The following CDH23 variants were observed in gnomAD, a reference collection of about 807,000 sequenced individuals.
CDH23 encodes the protein cadherin related 23.
Under a neutral mutation model 317.1 loss-of-function variants are expected in CDH23, and 189 were observed. That is an observed-to-expected ratio of 0.60 (90% CI 0.53 to 0.67). The LOEUF (loss-of-function observed/expected upper bound fraction) is 0.67, where lower values mean the gene tolerates loss of function less well. Ranked by LOEUF, CDH23 falls within the 30% of genes least tolerant of loss-of-function variation. The probability of loss-of-function intolerance (pLI) is 0.00; values close to 1 mark genes in which losing one functional copy is unlikely to be tolerated. For missense variants in CDH23, 4,401 were observed against 4,592.4 expected (o/e 0.96, Z 1.20); for synonymous variants, 1,839 against 1,876.8 (o/e 0.98, Z 0.52).
chr10:71,646,426 G>A (rs2132596554), intron 13 of CDH23, 33 bp from the exon 14 acceptor site: 3 of 1,608,762 alleles, frequency 1.9e-6, no homozygotes, highest in Non-Finnish European at 2.5e-6. Context: ...GGACATGTGG[G>A]AGCTTACCTG....
intron 1 of CDH23, among the ~76,000 whole-genome samples, chr10:71,414,732 T>A (rs1385889256): frequency 6.6e-6 from 1 of 152,238 alleles, no homozygotes; most frequent in East Asian, 1.9e-4. Context: ...AACTGTTCCT[T>A]CTTTTTCTGT....
intron 11 of CDH23, among the ~76,000 whole-genome samples, chr10:71,617,766 C>T (rs980821748): frequency 2.0e-5 from 3 of 151,896 alleles, no homozygotes; most frequent in African/African-American, 4.8e-5. Context: ...TTTGGGAGGC[C>T]GGCAGATCAA....
At position 71,709,109 on chromosome 10, in the gene CDH23, G is replaced by A; in HGVS notation, c.3118G>A (p.Asp1040Asn). The A allele has an allele frequency of 6.2e-7, 1 of 1,613,892 alleles. No homozygotes were observed. Among genetic ancestry groups the A allele is most frequent in the Non-Finnish European group, 8.5e-7 (1 of 1,179,894 alleles). Residue 1040 changes from aspartate to asparagine, a missense_variant, in exon 27 of 70, where the codon GAT (aspartate) becomes AAT (asparagine). By Grantham distance (23) the Asp-to-Asn change is conservative. Around this residue, in one of 3 missense-constraint regions of CDH23, gnomAD observed 3,068 missense variants for 3,203.3 expected, o/e 0.96. Coordinates refer to ENST00000224721, the MANE Select transcript of CDH23 (RefSeq NM_022124.6). ...LSYFITGGNV[D>N]GKFSVGYRDA... ...TCCTTCACCCACAGGTGGCAACGTG[G>A]ATGGGAAGTTCAGCGTGGGTTACCG...
At chr10:71,672,517 A>G (rs1291008337) in intron 14 of CDH23, among the ~76,000 whole-genome samples, 2 of 152,166 alleles carry the variant, frequency 1.3e-5, no homozygotes, top group Middle Eastern at 3.4e-3. Flanking sequence ...CCAGGCATAC[A>G]TATTTCACAT....
rs1841530793 is a variant in CDH23 at position 71,800,620 on chromosome 10, A to G, written c.7363-16A>G. ...TTGAATGATTGAAGGACCTAAAGCC[A>G]CCCTCCCCCTACTAGGGTGACATCT... On this transcript the variant is annotated splice_polypyrimidine_tract_variant and intron_variant, in intron 52 of 69. Transcript: ENST00000224721. The G allele has an allele frequency of 5.0e-6, 8 of 1,612,750 alleles. No homozygotes were observed. Among genetic ancestry groups the G allele is most frequent in the South Asian group, 1.1e-5 (1 of 90,904 alleles).
At chr10:71,630,297 C>G (rs1861941673) in intron 11 of CDH23, among the ~76,000 whole-genome samples, 1 of 152,138 alleles carries the variant, frequency 6.6e-6, no homozygotes, top group Non-Finnish European at 1.5e-5. Flanking sequence ...GCTGGGATTA[C>G]TGGCGTGAGT....
chr10:71,510,989 C>T lies in CDH23; in HGVS notation c.324C>T (p.Ser108=), dbSNP rs373668614. Residue 108 remains serine, a synonymous_variant, in exon 5 of 70, where the codon AGC becomes AGT. Coordinates refer to ENST00000224721, the MANE Select transcript of CDH23 (RefSeq NM_022124.6). ...AGTTCACCGTGGAGTTCTCTGTCAGCGACCACCAGGGGGTGAGTGTTCCCT... is the reference window on the plus strand; with the variant it reads ...AGTTCACCGTGGAGTTCTCTGTCAGTGACCACCAGGGGGTGAGTGTTCCCT... ...KSEFTVEFSV[S]DHQGVITRKV... The T allele has an allele frequency of 4.2e-5, 67 of 1,613,902 alleles. No individual in the cohort carries two copies. The highest frequency in any genetic ancestry group is 1.7e-4 in the Admixed American group (10 of 60,016).
intron 11 of CDH23, among the ~76,000 whole-genome samples, chr10:71,640,676 C>G (rs1862500318): frequency 6.6e-6 from 1 of 152,088 alleles, no homozygotes; most frequent in Non-Finnish European, 1.5e-5. Flanking sequence ...TGGACTGGGA[C>G]TCGGGAGGCA....
At chr10:71,741,565 A>G (rs1839732733) in intron 37 of CDH23, 129 bp from the exon 38 acceptor site, 2 of 712,378 alleles carry the variant, frequency 2.8e-6, no homozygotes, top group Non-Finnish European at 4.8e-6. Context: ...TATCTCCATC[A>G]TTGCTCTGGG....
intron 6 of CDH23, among the ~76,000 whole-genome samples, chr10:71,555,709 G>A (rs1856840506): frequency 6.6e-6 from 1 of 152,194 alleles, no homozygotes; most frequent in Admixed American, 6.5e-5. Flanking sequence ...CAAGGGTAAG[G>A]AAACTTGCCT....
At chr10:71,597,250 C>T (rs1366978002) in intron 9 of CDH23, among the ~76,000 whole-genome samples, 1 of 152,116 alleles carries the variant, frequency 6.6e-6, no homozygotes, top group East Asian at 1.9e-4. Context: ...CCTCTGTCCC[C>T]TAGCTGGTCT....
At chr10:71,652,598 T>C (rs978089525) in intron 14 of CDH23, among the ~76,000 whole-genome samples, 3 of 152,198 alleles carry the variant, frequency 2.0e-5, no homozygotes, top group Non-Finnish European at 4.4e-5. Context: ...AGTTTCCTCT[T>C]CTGTGAGCTG....
chr10:71,432,689 C>G (rs1223740012), intron 1 of CDH23, among the ~76,000 whole-genome samples: 1 of 152,186 alleles, frequency 6.6e-6, no homozygotes, highest in Non-Finnish European at 1.5e-5. Flanking sequence ...CTCGTGGCTG[C>G]CTGCAGGCAG....
At chr10:71,530,821 GCAT>G (rs372317195) in intron 6 of CDH23, among the ~76,000 whole-genome samples, 1 of 152,322 alleles carries the variant, frequency 6.6e-6, no homozygotes, top group African/African-American at 2.4e-5. Context: ...CACTTTCTAG[GCAT>G]CGTTTCATTC....
chr10:71,677,512 A>G lies in CDH23; in HGVS notation c.1571A>G (p.Glu524Gly). Reference sequence around the variant, plus strand: ...ATGCTGATTGCCAGGCTGGACTATGAGCTCATCCAGCGCTTCACCCTGACG... The same window carrying G: ...ATGCTGATTGCCAGGCTGGACTATGGGCTCATCCAGCGCTTCACCCTGACG... ...LIMLIARLDY[E>G]LIQRFTLTII... Residue 524 changes from glutamate (E) to glycine (G), a missense_variant, in exon 16 of 70, where the codon GAG becomes GGG. By Grantham distance (98) the Glu-to-Gly change is moderately conservative (BLOSUM62 -2). Around this residue, in one of 3 missense-constraint regions of CDH23, gnomAD observed 3,068 missense variants for 3,203.3 expected, o/e 0.96. Coordinates refer to ENST00000224721, the MANE Select transcript of CDH23 (RefSeq NM_022124.6). 1 of 1,612,042 alleles carries G rather than the reference A, an allele frequency of 6.2e-7. No homozygotes were observed. Among genetic ancestry groups the G allele is most frequent in the Non-Finnish European group, 8.5e-7 (1 of 1,179,374 alleles).
intron 23 of CDH23, among the ~76,000 whole-genome samples, 154 bp from the exon 24 acceptor site, chr10:71,702,395 G>A (rs1865624446): frequency 6.6e-6 from 1 of 152,164 alleles, no homozygotes; most frequent in Non-Finnish European, 1.5e-5. Context: ...GAGCTGGGGA[G>A]GGGAGCTGTG....
chr10:71,403,441 CTTCCTTCCTTCCT>C (rs1282152538), intron 1 of CDH23, among the ~76,000 whole-genome samples: 2 of 73,868 alleles, frequency 2.7e-5, no homozygotes, highest in African/African-American at 9.5e-5. Flanking sequence ...TCCTTCCTTC[CTTCCTTCCTTCCT>C]TTCCTTCCTT....
intron 6 of CDH23, among the ~76,000 whole-genome samples, chr10:71,559,037 C>A (rs1373766230): frequency 6.6e-6 from 1 of 152,160 alleles, no homozygotes. Context: ...GGAGTCTAAC[C>A]ACTCTTTTTA....
rs1840003718 is a variant in CDH23 at position 71,751,592 on chromosome 10, G to A, written c.4845+9671G>A. 4.1e-6 allele frequency: 6 copies of A among 1,470,026 alleles called. No individual in the cohort carries two copies. Among genetic ancestry groups the A allele is most frequent in the Admixed American group, 2.4e-5 (1 of 42,378 alleles). 91.1% of individuals were successfully genotyped at this position (1,470,026 alleles called of 1,614,324 possible). On this transcript the variant is annotated intron_variant, in intron 38 of 69. Transcript: ENST00000224721. This position sits in a 1 kb window ranked among gnomAD's most constrained non-coding sequence, Gnocchi z 4.9. ...TGGAACTCTTCAGGGAGGGCAGGGA[G>A]TGAGGCCGATGCCCTGCAGGCCATG...
Sources: allele counts gnomAD v4.1 joint callset (sites outside exome capture counted in the v4.1 genomes callset), GRCh38; gene constraint gnomAD v4.1.1; regional missense constraint gnomAD v4.1.1; non-coding constraint Gnocchi (gnomAD v3.1); transcripts MANE v1.5; gene names NCBI Gene and HGNC (gene_info 2026-07-23, HGNC 2026-07-21).